The following PTPRB variants were observed in gnomAD, a reference collection of about 807,000 sequenced individuals.
The protein encoded by PTPRB is protein tyrosine phosphatase receptor type B, also known as receptor-type tyrosine-protein phosphatase beta.
PTPRB carries 97 observed loss-of-function variants against 238.1 expected under a neutral mutation model. That is an observed-to-expected ratio of 0.41 (90% CI 0.35 to 0.48). The LOEUF is 0.48. Ranked by LOEUF, PTPRB falls within the 20% of genes least tolerant of loss-of-function variation. The probability of loss-of-function intolerance (pLI) is 0.30; values close to 1 mark genes in which losing one functional copy is unlikely to be tolerated. For synonymous variants in PTPRB, 970 were observed against 995.4 expected (o/e 0.97, Z 0.48); for missense variants, 2,292 against 2,681.9 (o/e 0.85, Z 3.21).
At chr12:70,525,313 A>G (rs982260083) in intron 32 of PTPRB, 1 of 152,178 alleles carries the variant, frequency 6.6e-6, no homozygotes, top group Non-Finnish European at 1.5e-5. Context: ...ACTGAATGAG[A>G]AAATCATTTC....
intron 22 of PTPRB, among the ~76,000 whole-genome samples, chr12:70,543,391 C>T (rs1352579973): frequency 2.0e-5 from 3 of 152,156 alleles, no homozygotes; most frequent in African/African-American, 7.2e-5. Flanking sequence ...CGTTTACTGT[C>T]TTCCTGTACT....
At chr12:70,539,416 T>C (rs1240588618) in intron 26 of PTPRB, 3 of 578,054 alleles carry the variant, frequency 5.2e-6, no homozygotes, top group Non-Finnish European at 9.2e-6. Context: ...CTTGGTTTGC[T>C]GTGTTATTCT....
At position 70,531,980 on chromosome 12, in the gene PTPRB, G is replaced by C. The variant is rs1873321247; in HGVS notation, c.6504+55C>G. Reference sequence around the variant, plus strand: ...AGATTAAGGTCCTGGATATTTTTTTGTGGGAATACAGTGGGGAGGAGGGTG... The same window carrying C: ...AGATTAAGGTCCTGGATATTTTTTTCTGGGAATACAGTGGGGAGGAGGGTG... On this transcript the variant is annotated intron_variant, in intron 32 of 33. Transcript: ENST00000334414. 36 of 1,600,698 alleles carry C rather than the reference G, an allele frequency of 2.2e-5. No homozygotes were observed. In the South Asian group the frequency reaches 3.8e-4, roughly 17 times the overall value.
chr12:70,575,367 A>G (rs1221824324), intron 11 of PTPRB, among the ~76,000 whole-genome samples: 3 of 152,186 alleles, frequency 2.0e-5, no homozygotes, highest in Non-Finnish European at 4.4e-5. Flanking sequence ...CACAGAAACC[A>G]TAAGAATCTG....
intron 25 of PTPRB, 60 bp downstream of exon 25, chr12:70,539,767 C>G: frequency 1.3e-6 from 2 of 1,594,558 alleles, no homozygotes; most frequent in South Asian, 2.2e-5. Context: ...AGTGCCATAA[C>G]TATTCTGACT....
At chr12:70,610,037 C>T (rs1884333243) in intron 3 of PTPRB, among the ~76,000 whole-genome samples, 2 of 152,042 alleles carry the variant, frequency 1.3e-5, no homozygotes, top group South Asian at 2.1e-4. Flanking sequence ...CGGGGACAGG[C>T]AGCGCGCCGC....
intron 2 of PTPRB, among the ~76,000 whole-genome samples, chr12:70,626,109 A>T (rs1885161819): frequency 6.6e-6 from 1 of 152,112 alleles, no homozygotes; most frequent in African/African-American, 2.4e-5. Flanking sequence ...ACTTTTAAGC[A>T]TGTTGAAAAC....
chr12:70,526,091 A>G (rs1872391807), intron 32 of PTPRB, among the ~76,000 whole-genome samples: 1 of 152,204 alleles, frequency 6.6e-6, no homozygotes, highest in Non-Finnish European at 1.5e-5. Flanking sequence ...ACTTATTTTT[A>G]TGGGTTGGCA....
intron 21 of PTPRB, among the ~76,000 whole-genome samples, chr12:70,549,574 C>A (rs575920559): frequency 6.6e-6 from 1 of 152,296 alleles, no homozygotes; most frequent in African/African-American, 2.4e-5. Flanking sequence ...CCTAATTATT[C>A]TTTTACCGTG....
In PTPRB at chr12:70,569,695, A is replaced by T. The variant is rs976078138; in HGVS notation, c.3614T>A (p.Ile1205Lys). Residue 1205 changes from isoleucine (I) to lysine (K), a missense_variant, in exon 14 of 34, where the codon ATA (isoleucine) becomes AAA (lysine). Physicochemically the swap from Ile to Lys is moderately radical, Grantham distance 102. Around this residue, in one of 4 missense-constraint regions of PTPRB, gnomAD observed 683 missense variants for 862.0 expected, o/e 0.79. Transcript: ENST00000334414. ...ASVSGSLKNQINVVGRTVPAS... is the reference protein window; with the variant it reads ...ASVSGSLKNQKNVVGRTVPAS... Reference sequence around the variant, plus strand: ...CTTACCTGTCCGCCCAACCACATTTATCTGATTCTTCAGGGACCCGCTGAC... The same window carrying T: ...CTTACCTGTCCGCCCAACCACATTTTTCTGATTCTTCAGGGACCCGCTGAC... 9 of 1,613,808 alleles carry T rather than the reference A, an allele frequency of 5.6e-6. No individual in the cohort carries two copies. In the African/African-American group the frequency reaches 1.2e-4, roughly 22 times the overall value.
At chr12:70,531,008 A>AATG (rs1873150946) in intron 32 of PTPRB, among the ~76,000 whole-genome samples, 1 of 152,282 alleles carries the variant, frequency 6.6e-6, no homozygotes, top group Admixed American at 6.5e-5. Flanking sequence ...TGCAGGAGGC[A>AATG]ATGATGCCAT....
intron 4 of PTPRB, among the ~76,000 whole-genome samples, chr12:70,607,518 A>G (rs1379592158): frequency 6.6e-6 from 1 of 150,432 alleles, no homozygotes; most frequent in Admixed American, 6.6e-5. Context: ...CTGATTCCAT[A>G]TTAGAAACCA....
At chr12:70,555,089 A>G (rs867474909) in intron 20 of PTPRB, 71 bp downstream of exon 20, 2 of 1,511,204 alleles carry the variant, frequency 1.3e-6, no homozygotes, top group Middle Eastern at 1.8e-4. Flanking sequence ...TTTGTCACAG[A>G]AAGATCTCCC....
In PTPRB at chr12:70,587,091, G is replaced by C; in HGVS notation, c.2227C>G (p.Leu743Val). Residue 743 changes from leucine (L) to valine (V), a missense_variant, in exon 9 of 34, where the codon CTG becomes GTG. Around this residue, in one of 4 missense-constraint regions of PTPRB, gnomAD observed 1,205 missense variants for 1,287.8 expected, o/e 0.94. Transcript: ENST00000334414. ...GCCATGTATTTTCGTCCAGGCACCA[G>C]GTCAGTAAAAGTGAATTCTTTGGCA... ...KDAKEFTFTD[L>V]VPGRKYMATV... is the part of the protein sequence containing the mutation. 1 of 1,613,822 alleles carries C rather than the reference G, an allele frequency of 6.2e-7. No individual in the cohort carries two copies. Among genetic ancestry groups the C allele is most frequent in the Non-Finnish European group, 8.5e-7 (1 of 1,179,742 alleles).
chr12:70,520,025 T>C lies in PTPRB; in HGVS notation c.*1464A>G. The C allele has an allele frequency of 3.6e-6, 1 of 279,562 alleles. No homozygotes were observed. Among genetic ancestry groups the C allele is most frequent in the South Asian group, 3.3e-5 (1 of 30,126 alleles). The allele number at this position is 279,562 out of a possible 1,614,324, so 17.3% of individuals were successfully genotyped here. ...TATGGTAGGTTACAAAAATATATAC[T>C]TTGAAAAGAAATATACTCTTTATGC... On this transcript the variant is annotated 3_prime_UTR_variant, in exon 34 of 34. Transcript: ENST00000334414.
At position 70,521,406 on chromosome 12, in the gene PTPRB, C is replaced by T. The variant is rs1206831751; in HGVS notation, c.*83G>A. On this transcript the variant is annotated 3_prime_UTR_variant, in exon 34 of 34. Coordinates refer to ENST00000334414, the MANE Select transcript of PTPRB (RefSeq NM_001109754.4). ...ACATAGTATCAACAGAAATAGCTGG[C>T]ACCTCTGTAGGGCATGAAGCAAGTT... 1.8e-5 allele frequency: 19 copies of T among 1,031,606 alleles called. No homozygotes were observed. The highest frequency in any genetic ancestry group is 2.6e-5 in the Non-Finnish European group (19 of 738,176). The allele number at this position is 1,031,606 out of a possible 1,614,324, so 63.9% of individuals were successfully genotyped here.
chr12:70,584,744 T>A (rs538560054), intron 9 of PTPRB, among the ~76,000 whole-genome samples: 1 of 152,060 alleles, frequency 6.6e-6, no homozygotes, highest in South Asian at 2.1e-4. Context: ...AAACTCTCAA[T>A]GAAGAAATTT....
intron 21 of PTPRB, among the ~76,000 whole-genome samples, chr12:70,547,829 T>C (rs959894678): frequency 1.6e-4 from 24 of 152,112 alleles, no homozygotes; most frequent in African/African-American, 5.6e-4. Flanking sequence ...TCAAACATGT[T>C]TCTGTTTGAT....
At chr12:70,566,726 A>C in intron 14 of PTPRB, 22 bp from the exon 15 acceptor site, 5 of 1,604,364 alleles carry the variant, frequency 3.1e-6, no homozygotes, top group Non-Finnish European at 4.3e-6. Context: ...CAAGTGGAGC[A>C]ACAAAATACA....
Sources: gnomAD v4.1 joint callset for allele counts (sites outside exome capture counted in the v4.1 genomes callset) on GRCh38, gnomAD v4.1.1 for gene constraint, gnomAD v4.1.1 regional missense constraint, MANE v1.5 for transcripts, NCBI Gene and HGNC (gene_info 2026-07-23, HGNC 2026-07-21) for gene names.